Variants in ATP9A observed in about 807,000 individuals in gnomAD.
The protein encoded by ATP9A is probable phospholipid-transporting ATPase IIA.
In ATP9A, 52 loss-of-function variants were observed where a neutral mutation model predicts 144.1. The ratio of observed to expected loss-of-function variants is 0.36; its 90% CI spans 0.29 to 0.45. ATP9A has a LOEUF of 0.45. Among genes scored for constraint, ATP9A ranks in the 20% least tolerant of loss-of-function variants. The pLI is 1.00. For missense variants in ATP9A, 947 were observed against 1,392.7 expected (o/e 0.68, Z 5.09); for synonymous variants, 582 against 557.4 (o/e 1.04, Z -0.62).
At chr20:51,737,809 A>G (rs2077768576) in intron 1 of ATP9A, among the ~76,000 whole-genome samples, 1 of 152,180 alleles carries the variant, frequency 6.6e-6, no homozygotes, top group Non-Finnish European at 1.5e-5. Flanking sequence ...GACTCATACT[A>G]CGGGATACAA....
chr20:51,738,912 C>A (rs1361470609), intron 1 of ATP9A, among the ~76,000 whole-genome samples: 2 of 152,024 alleles, frequency 1.3e-5, no homozygotes, highest in African/African-American at 4.8e-5. Flanking sequence ...AGAAACCCCG[C>A]CTCCACTAAA....
chr20:51,655,241 G>C (rs2077382276), intron 14 of ATP9A, among the ~76,000 whole-genome samples: 2 of 152,126 alleles, frequency 1.3e-5, no homozygotes, highest in African/African-American at 2.4e-5. Flanking sequence ...GTGAAAAAAG[G>C]AGGATACAAA....
At chr20:51,692,213 G>C (rs1436214505) in intron 7 of ATP9A, among the ~76,000 whole-genome samples, 1 of 152,196 alleles carries the variant, frequency 6.6e-6, no homozygotes, top group Non-Finnish European at 1.5e-5. Flanking sequence ...TCATGCCACT[G>C]AACTGTACAC....
intron 26 of ATP9A, among the ~76,000 whole-genome samples, chr20:51,606,419 G>A (rs572813592): frequency 1.3e-5 from 2 of 151,952 alleles, no homozygotes; most frequent in East Asian, 1.9e-4. Context: ...TGAGGATTCC[G>A]GGCACAGTGG....
At chr20:51,659,550 C>A (rs940697279) in intron 13 of ATP9A, among the ~76,000 whole-genome samples, 1 of 152,128 alleles carries the variant, frequency 6.6e-6, no homozygotes, top group African/African-American at 2.4e-5. Flanking sequence ...GGGTCACCTA[C>A]AACAGTCTTA....
intron 1 of ATP9A, among the ~76,000 whole-genome samples, chr20:51,739,927 C>T (rs2077777996): frequency 6.6e-6 from 1 of 152,220 alleles, no homozygotes; most frequent in South Asian, 2.1e-4. Context: ...AGGAGGACAG[C>T]AGAGACAAGA....
chr20:51,744,501 T>C (rs2077799249), intron 1 of ATP9A, among the ~76,000 whole-genome samples: 1 of 152,162 alleles, frequency 6.6e-6, no homozygotes, highest in South Asian at 2.1e-4. Context: ...TTGATTTTCT[T>C]AGGATTTGAC....
chr20:51,644,495 C>G (rs905038964), intron 14 of ATP9A, among the ~76,000 whole-genome samples: 56 of 151,260 alleles, frequency 3.7e-4, no homozygotes, highest in South Asian at 1.5e-3. Flanking sequence ...TGGTCTCGAT[C>G]TCCTGACCTC....
chr20:51,700,929 G>T (rs2122833546), intron 4 of ATP9A, among the ~76,000 whole-genome samples: 1 of 152,270 alleles, frequency 6.6e-6, no homozygotes, highest in African/African-American at 2.4e-5. Flanking sequence ...CACTCTTCTT[G>T]CTCCACTAGG....
intron 9 of ATP9A, among the ~76,000 whole-genome samples, chr20:51,688,289 C>G (rs2077532264): frequency 6.6e-6 from 1 of 152,118 alleles, no homozygotes; most frequent in Non-Finnish European, 1.5e-5. Context: ...CAGTGTCATC[C>G]CAGCACTGAA....
At chr20:51,660,035 AT>A (rs1196403157) in intron 13 of ATP9A, among the ~76,000 whole-genome samples, 1 of 152,246 alleles carries the variant, frequency 6.6e-6, no homozygotes, top group African/African-American at 2.4e-5. Context: ...TAAAGAAAAG[AT>A]TTACAGAAAG....
chr20:51,658,888 C>CGGGGGGGGGGGG (rs11477336), intron 13 of ATP9A, among the ~76,000 whole-genome samples: 3 of 54,848 alleles, frequency 5.5e-5, no homozygotes, highest in Admixed American at 2.3e-4. Flanking sequence ...AGACCACTGG[C>CGGGGGGGGGGGG]GGGGGGGGGG....
intron 10 of ATP9A, among the ~76,000 whole-genome samples, chr20:51,675,493 C>T (rs2077473096): frequency 6.6e-6 from 1 of 152,148 alleles, no homozygotes; most frequent in Admixed American, 6.6e-5. Context: ...AGGAAGCATG[C>T]ACTCACAGGG....
At chr20:51,671,364 C>T (rs939569682) in intron 11 of ATP9A, 107 bp from the exon 12 acceptor site, 20 of 1,336,200 alleles carry the variant, frequency 1.5e-5, no homozygotes, top group Non-Finnish European at 2.0e-5. Flanking sequence ...TCCGGACTCA[C>T]TCCCTGCAGA....
At chr20:51,751,873 C>A (rs1214241634) in intron 1 of ATP9A, among the ~76,000 whole-genome samples, 1 of 152,020 alleles carries the variant, frequency 6.6e-6, no homozygotes, top group African/African-American at 2.4e-5. Context: ...TAGGCGTGAG[C>A]CACCGCGCCC....
At chr20:51,659,663 TC>T (rs1451507297) in intron 13 of ATP9A, among the ~76,000 whole-genome samples, 2 of 152,198 alleles carry the variant, frequency 1.3e-5, no homozygotes, top group African/African-American at 4.8e-5. Flanking sequence ...AGAGAAGTGA[TC>T]TGATCCTTTA....
intron 10 of ATP9A, among the ~76,000 whole-genome samples, chr20:51,675,441 G>A (rs2077472936): frequency 6.6e-6 from 1 of 152,198 alleles, no homozygotes; most frequent in African/African-American, 2.4e-5. Context: ...TGTGTAGCCT[G>A]GACAGGGCAC....
chr20:51,639,152 G>A (rs1300732988), intron 15 of ATP9A, among the ~76,000 whole-genome samples, 191 bp downstream of exon 15: 1 of 152,152 alleles, frequency 6.6e-6, no homozygotes, highest in Non-Finnish European at 1.5e-5. Context: ...GACACCATAA[G>A]CGGATCAGAG....
intron 24 of ATP9A, among the ~76,000 whole-genome samples, chr20:51,608,922 C>CTGTGT (rs74175563): frequency 7.0e-6 from 1 of 142,794 alleles, no homozygotes; most frequent in African/African-American, 2.6e-5. Context: ...GGAAATAAGA[C>CTGTGT]GTGTGTGTGT....
Sources: allele counts gnomAD v4.1 joint callset (sites outside exome capture counted in the v4.1 genomes callset), GRCh38; gene constraint gnomAD v4.1.1; transcripts MANE v1.5; gene names NCBI Gene and HGNC (gene_info 2026-07-23, HGNC 2026-07-21).